Variants in HYAL4 observed in about 807,000 individuals in gnomAD.
HYAL4 encodes the protein hyaluronidase 4, also known as hyaluronidase-4.
HYAL4 carries 37 observed loss-of-function variants against 35.2 expected under a neutral mutation model. The observed-to-expected ratio is 1.05, with a 90% CI of 0.81 to 1.38. The LOEUF (loss-of-function observed/expected upper bound fraction) is 1.38, where lower values mean the gene tolerates loss of function less well. Ranked by LOEUF, HYAL4 falls within the 40% of genes most tolerant of loss-of-function variation. The pLI is 0.00. For missense variants in HYAL4, 572 were observed against 572.4 expected (o/e 1.00, Z 0.01); for synonymous variants, 198 against 203.2 (o/e 0.97, Z 0.22).
At chr7:123,811,126 A>G in the HYAL4 span, among the ~76,000 whole-genome samples, 1 of 152,222 alleles carries the variant, frequency 6.6e-6, no homozygotes, top group Non-Finnish European at 1.5e-5. Flanking sequence ...GATTTTGGCA[A>G]TTATGAATAA....
At chr7:123,843,260 C>CTTGGATATGAAA (rs1258879269), upstream of HYAL4, among the ~76,000 whole-genome samples, 8 of 152,116 alleles carry the variant, frequency 5.3e-5, no homozygotes, top group East Asian at 1.4e-3. Context: ...ACTTATGAAG[C>CTTGGATATGAAA]TTAGTTTGGC....
the HYAL4 span, among the ~76,000 whole-genome samples, chr7:123,799,678 A>G: frequency 6.6e-6 from 1 of 151,884 alleles, no homozygotes; most frequent in South Asian, 2.1e-4. Flanking sequence ...TTTTGCTAAC[A>G]TTTTTGTTAA....
chr7:123,841,579 C>G (rs1020316664), upstream of HYAL4, among the ~76,000 whole-genome samples: 1 of 151,998 alleles, frequency 6.6e-6, no homozygotes, highest in African/African-American at 2.4e-5. Flanking sequence ...ACCAGCTCAT[C>G]TTAGTACCTT....
At chr7:123,805,789 T>C in the HYAL4 span, among the ~76,000 whole-genome samples, 5 of 152,138 alleles carry the variant, frequency 3.3e-5, no homozygotes, top group Non-Finnish European at 5.9e-5. Context: ...AGGCAGAAAT[T>C]GCAGTAAAAG....
At chr7:123,874,213 T>G (rs1457167599) in intron 3 of HYAL4, among the ~76,000 whole-genome samples, 1 of 152,240 alleles carries the variant, frequency 6.6e-6, no homozygotes, top group Non-Finnish European at 1.5e-5. Flanking sequence ...ATATCCTGCA[T>G]GGCAAAATAT....
chr7:123,764,790 T>C, the HYAL4 span, among the ~76,000 whole-genome samples: 3 of 152,238 alleles, frequency 2.0e-5, no homozygotes, highest in Non-Finnish European at 2.9e-5. Flanking sequence ...GCCAGGTAAG[T>C]GCCTTGAAAA....
chr7:123,849,038 A>G lies in HYAL4; in HGVS notation c.-52+880A>G, dbSNP rs543237255. On this transcript the variant is annotated intron_variant, in intron 2 of 4. Coordinates refer to ENST00000223026, the MANE Select transcript of HYAL4 (RefSeq NM_012269.3). ...GATAGATTTAGATTTTCCAGAAAAG[A>G]AGGAACAAGTACCAAAACAGTATAA... Among the ~76,000 whole-genome samples the G allele has an allele frequency of 1.3e-4, 20 of 152,326 alleles. No homozygotes were observed. In the East Asian group the frequency reaches 1.7e-3, roughly 13 times the overall value.
chr7:123,852,379 G>A (rs184609547), intron 2 of HYAL4, among the ~76,000 whole-genome samples: 3 of 152,146 alleles, frequency 2.0e-5, no homozygotes, highest in African/African-American at 7.2e-5. Flanking sequence ...TAGGTCTTAG[G>A]TTTAAGTCTT....
chr7:123,818,956 T>A, the HYAL4 span, among the ~76,000 whole-genome samples: 1 of 152,078 alleles, frequency 6.6e-6, no homozygotes, highest in African/African-American at 2.4e-5. Flanking sequence ...TAATATCCAC[T>A]CTCTCAGCAT....
the HYAL4 span, among the ~76,000 whole-genome samples, chr7:123,769,837 C>T: frequency 5.3e-5 from 7 of 132,242 alleles, no homozygotes; most frequent in South Asian, 1.7e-3. Context: ...AAAAAAAAAA[C>T]ACCGTTAAAC....
chr7:123,865,599 C>T (rs1376322732), intron 2 of HYAL4, among the ~76,000 whole-genome samples: 1 of 152,030 alleles, frequency 6.6e-6, no homozygotes, highest in Non-Finnish European at 1.5e-5. Flanking sequence ...TGTGTTTATC[C>T]ATTTACTTAG....
At position 123,868,671 on chromosome 7, in the gene HYAL4, T is replaced by A. The variant is rs766237103; in HGVS notation, c.398T>A (p.Ile133Asn). The A allele has an allele frequency of 2.5e-6, 4 of 1,613,788 alleles. No homozygotes were observed. The South Asian group carries it at 3.3e-5, about 13-fold the overall frequency. ...EKADQDINYY[I>N]PAEDFSGLAV... Reference sequence around the variant, plus strand: ...GCTGACCAAGATATTAATTATTACATCCCTGCTGAAGATTTCAGTGGACTT... The same window carrying A: ...GCTGACCAAGATATTAATTATTACAACCCTGCTGAAGATTTCAGTGGACTT... Residue 133 changes from isoleucine (I) to asparagine (N), a missense_variant, in exon 3 of 5, where the codon ATC (isoleucine) becomes AAC (asparagine). Coordinates refer to ENST00000223026, the MANE Select transcript of HYAL4 (RefSeq NM_012269.3).
At chr7:123,849,832 AT>A (rs985609389) in intron 2 of HYAL4, among the ~76,000 whole-genome samples, 3 of 151,342 alleles carry the variant, frequency 2.0e-5, no homozygotes, top group African/African-American at 4.9e-5. Flanking sequence ...GCATCACTGC[AT>A]TCCAGCCTGA....
At chr7:123,820,027 A>T in the HYAL4 span, among the ~76,000 whole-genome samples, 1 of 151,604 alleles carries the variant, frequency 6.6e-6, no homozygotes, top group African/African-American at 2.4e-5. Flanking sequence ...ACTAGCTGAG[A>T]CTACAGGCAT....
At chr7:123,799,830 A>G in the HYAL4 span, among the ~76,000 whole-genome samples, 1 of 152,104 alleles carries the variant, frequency 6.6e-6, no homozygotes, top group Non-Finnish European at 1.5e-5. Flanking sequence ...TTTTGTTTGA[A>G]TACATTATTT....
chr7:123,862,160 T>C (rs1368906803), intron 2 of HYAL4, among the ~76,000 whole-genome samples: 2 of 152,166 alleles, frequency 1.3e-5, no homozygotes, highest in Non-Finnish European at 2.9e-5. Flanking sequence ...AGCTTTGAAC[T>C]TGATGGTTCT....
At chr7:123,863,129 C>T (rs1287073270) in intron 2 of HYAL4, among the ~76,000 whole-genome samples, 1 of 152,156 alleles carries the variant, frequency 6.6e-6, no homozygotes, top group African/African-American at 2.4e-5. Flanking sequence ...TCTTTGTTAT[C>T]ATAATTTGCA....
At chr7:123,768,292 A>C in the HYAL4 span, among the ~76,000 whole-genome samples, 2 of 152,218 alleles carry the variant, frequency 1.3e-5, no homozygotes, top group Non-Finnish European at 2.9e-5. Context: ...TTCGATCTCA[A>C]TAATGTAAGC....
At chr7:123,844,001 A>C (rs191470194), upstream of HYAL4, among the ~76,000 whole-genome samples, 1 of 151,950 alleles carries the variant, frequency 6.6e-6, no homozygotes, top group South Asian at 2.1e-4. Context: ...ACTTCTGTCA[A>C]CTCATCAAAG....
Sources: gnomAD v4.1 joint callset for allele counts (sites outside exome capture counted in the v4.1 genomes callset) on GRCh38, gnomAD v4.1.1 for gene constraint, MANE v1.5 for transcripts, NCBI Gene and HGNC (gene_info 2026-07-23, HGNC 2026-07-21) for gene names.